PHF20: variants seen among roughly 807,000 people sequenced by gnomAD.
PHF20 encodes the protein PHD finger protein 20.
A neutral mutation model predicts 113.5 loss-of-function variants in PHF20; 23 were observed. The ratio of observed to expected loss-of-function variants is 0.20; its 90% CI spans 0.15 to 0.29. The LOEUF is 0.29. PHF20 is among the 10% of genes least tolerant of loss of function. PHF20 has a pLI of 1.00. For missense variants in PHF20, 943 were observed against 1,219.6 expected (o/e 0.77, Z 3.38); for synonymous variants, 434 against 457.3 (o/e 0.95, Z 0.65).
At chr20:35,901,550 A>T (rs2147061294) in intron 10 of PHF20, among the ~76,000 whole-genome samples, 1 of 151,372 alleles carries the variant, frequency 6.6e-6, no homozygotes, top group Middle Eastern at 3.4e-3. Flanking sequence ...TGTAATTGAG[A>T]GGATTTTAAT....
At chr20:35,792,780 G>A (rs1221597139) in intron 1 of PHF20, among the ~76,000 whole-genome samples, 1 of 151,974 alleles carries the variant, frequency 6.6e-6, no homozygotes, top group Non-Finnish European at 1.5e-5. Flanking sequence ...TACCACCATT[G>A]CCATCACCAG....
chr20:35,847,340 T>C lies in PHF20; in HGVS notation c.256-10T>C, dbSNP rs2042642908. The C allele has an allele frequency of 6.4e-7, 1 of 1,570,064 alleles. No homozygotes were observed. Among genetic ancestry groups the C allele is most frequent in the Non-Finnish European group, 8.7e-7 (1 of 1,151,368 alleles). ...TAACAGGATCTTTTTTTTTTTTTTATGTTTTTTAGGAATTTCAAATAAATG... is the reference window on the plus strand; with the variant it reads ...TAACAGGATCTTTTTTTTTTTTTTACGTTTTTTAGGAATTTCAAATAAATG... On this transcript the variant is annotated splice_polypyrimidine_tract_variant and intron_variant, in intron 3 of 17. Coordinates refer to ENST00000374012, the MANE Select transcript of PHF20 (RefSeq NM_016436.5).
At chr20:35,923,802 A>G (rs2055567073) in intron 13 of PHF20, among the ~76,000 whole-genome samples, 1 of 152,202 alleles carries the variant, frequency 6.6e-6, no homozygotes, top group East Asian at 1.9e-4. Context: ...CCCAGGATGG[A>G]GTACAGAGGC....
chr20:35,772,525 G>A (rs112535159), intron 1 of PHF20, among the ~76,000 whole-genome samples: 7,276 of 152,198 alleles, frequency 0.048, 213 homozygotes, highest in African/African-American at 0.089. Context: ...ATCCTATTCT[G>A]GGGAGCACAT....
intron 16 of PHF20, among the ~76,000 whole-genome samples, chr20:35,940,422 C>T (rs1286627180): frequency 7.7e-6 from 1 of 129,104 alleles, no homozygotes; most frequent in Non-Finnish European, 1.7e-5. Flanking sequence ...TTTTAGTACC[C>T]CCATCCTCCC....
chr20:35,909,497 G>T (rs1405585880), intron 10 of PHF20, among the ~76,000 whole-genome samples: 1 of 152,058 alleles, frequency 6.6e-6, no homozygotes. Flanking sequence ...GGAAGACCCT[G>T]TTCTCAGGAT....
At chr20:35,861,277 A>G (rs1457357471) in intron 5 of PHF20, among the ~76,000 whole-genome samples, 1 of 152,200 alleles carries the variant, frequency 6.6e-6, no homozygotes, top group Non-Finnish European at 1.5e-5. Context: ...TACAAAGCAC[A>G]AAGAAAATAA....
chr20:35,784,181 C>A (rs1301432799), intron 1 of PHF20, among the ~76,000 whole-genome samples: 1 of 151,066 alleles, frequency 6.6e-6, no homozygotes, highest in Non-Finnish European at 1.5e-5. Flanking sequence ...AACCTCCCGA[C>A]TAGCTGTGAC....
chr20:35,847,519 T>C, intron 4 of PHF20, 85 bp downstream of exon 4: 1 of 833,286 alleles, frequency 1.2e-6, no homozygotes, highest in Non-Finnish European at 2.0e-6. Flanking sequence ...TGATAGTATA[T>C]TTTCAGTATT....
intron 1 of PHF20, among the ~76,000 whole-genome samples, chr20:35,776,582 A>G (rs988692966): frequency 6.6e-6 from 1 of 152,084 alleles, no homozygotes; most frequent in Non-Finnish European, 1.5e-5. Flanking sequence ...AGTGTGTTGG[A>G]TCATCTGTAC....
rs764611258 is a variant in PHF20, at chr20:35,940,906, C to T, written c.2755C>T (p.Pro919Ser). The T allele has an allele frequency of 9.9e-6, 16 of 1,613,960 alleles. No individual in the cohort carries two copies. The highest frequency in any genetic ancestry group is 1.4e-5 in the Non-Finnish European group (16 of 1,179,998). ...VSKKALPEEA[P>S]ARKLLDRGGE... ...CAAAAAGGCCCTACCAGAAGAAGCC[C>T]CTGCTCGGAAGCTGCTGGACAGAGG... The change falls in exon 17 of 18, where the codon CCT becomes TCT. Residue 919 changes from proline (P) to serine (S), a missense_variant. Pro to Ser is a moderately conservative substitution (Grantham distance 74). Around this residue, in one of 3 missense-constraint regions of PHF20, gnomAD observed 349 missense variants for 412.3 expected, o/e 0.85. Transcript: ENST00000374012.
rs552672829 is a variant in PHF20 at position 35,868,445 on chromosome 20, CAA to C, written c.809-981_809-980del. On this transcript the variant is annotated intron_variant, in intron 6 of 17. Coordinates refer to ENST00000374012, the MANE Select transcript of PHF20 (RefSeq NM_016436.5). The stretch of plus-strand genomic sequence containing the variant: ...TGAAACCCCATCTCTATTAAAAATA[CAA>C]AAAAAAAAAAATTTTGCTAGGTATG... Among the ~76,000 whole-genome samples the C allele has an allele frequency of 3.3e-3, 432 of 132,582 alleles. 1 individual carries two copies. The highest frequency in any genetic ancestry group is 0.011 in the African/African-American group (400 of 35,758). 87.0% of individuals were successfully genotyped at this position (132,582 alleles called of 152,430 possible). A position where few individuals can be genotyped will look rare whatever the true frequency, so the allele number is the denominator to read the frequency against.
chr20:35,846,249 G>A (rs372551937), intron 3 of PHF20, among the ~76,000 whole-genome samples: 4 of 150,462 alleles, frequency 2.7e-5, no homozygotes, highest in African/African-American at 9.8e-5. Flanking sequence ...GCGCAATCTC[G>A]GCTCACTGCA....
At chr20:35,775,214 A>G (rs1600713578) in intron 1 of PHF20, among the ~76,000 whole-genome samples, 1 of 152,106 alleles carries the variant, frequency 6.6e-6, no homozygotes, top group Non-Finnish European at 1.5e-5. Flanking sequence ...GATTTGGTAG[A>G]TCTAGGATGG....
chr20:35,874,817 T>C (rs922359250), intron 9 of PHF20, among the ~76,000 whole-genome samples: 3 of 151,954 alleles, frequency 2.0e-5, no homozygotes, highest in African/African-American at 7.3e-5. Context: ...AGAGCAGCTG[T>C]TTGAAAATAG....
intron 1 of PHF20, among the ~76,000 whole-genome samples, chr20:35,773,901 C>T (rs541834230): frequency 8.8e-4 from 134 of 152,180 alleles, no homozygotes; most frequent in African/African-American, 2.9e-3. Context: ...ACAAACAAAA[C>T]TCTCAGATTT....
intron 9 of PHF20, among the ~76,000 whole-genome samples, chr20:35,888,352 T>C (rs2054778074): frequency 6.6e-6 from 1 of 152,060 alleles, no homozygotes; most frequent in Non-Finnish European, 1.5e-5. Context: ...TAGTAGTAAT[T>C]TAGGAACAAC....
At chr20:35,851,461 C>T (rs554465415) in intron 4 of PHF20, among the ~76,000 whole-genome samples, 4 of 152,224 alleles carry the variant, frequency 2.6e-5, no homozygotes, top group African/African-American at 7.2e-5. Context: ...TGTGGGGAGG[C>T]TGATACTGTG....
intron 1 of PHF20, among the ~76,000 whole-genome samples, chr20:35,799,016 G>T (rs1227783466): frequency 2.0e-5 from 3 of 152,050 alleles, no homozygotes; most frequent in Non-Finnish European, 2.9e-5. Flanking sequence ...TTCATAAAAT[G>T]TGCTGCTATT....
Sources: allele counts gnomAD v4.1 joint callset (sites outside exome capture counted in the v4.1 genomes callset), GRCh38; gene constraint gnomAD v4.1.1; regional missense constraint gnomAD v4.1.1; transcripts MANE v1.5; gene names NCBI Gene and HGNC (gene_info 2026-07-23, HGNC 2026-07-21).